EXOC4: variants seen among roughly 807,000 people sequenced by gnomAD.
EXOC4 encodes SEC8-like 1.
EXOC4 carries 71 observed loss-of-function variants against 107.2 expected under a neutral mutation model. The observed-to-expected ratio is 0.66, with a 90% CI of 0.55 to 0.81. The LOEUF (loss-of-function observed/expected upper bound fraction) is 0.81, where lower values mean the gene tolerates loss of function less well. Ranked by LOEUF, EXOC4 falls within the 30% of genes least tolerant of loss-of-function variation. The pLI, the probability that EXOC4 is intolerant of heterozygous loss-of-function variation, is 0.00. For synonymous variants in EXOC4, 456 were observed against 441.2 expected (o/e 1.03, Z -0.42); for missense variants, 1,108 against 1,189.6 (o/e 0.93, Z 1.01).
intron 7 of EXOC4, among the ~76,000 whole-genome samples, chr7:133,393,828 G>A (rs1251554139): frequency 6.6e-6 from 1 of 152,192 alleles, no homozygotes; most frequent in East Asian, 1.9e-4. Context: ...GCATTTTGTT[G>A]TAGTGGTTTG....
chr7:133,458,761 T>A (rs1332123536), intron 7 of EXOC4, among the ~76,000 whole-genome samples: 1 of 152,244 alleles, frequency 6.6e-6, no homozygotes, highest in African/African-American at 2.4e-5. Context: ...CATGATTAAC[T>A]TTGACATTTG....
At chr7:133,978,503 C>T (rs1444647534) in intron 14 of EXOC4, among the ~76,000 whole-genome samples, 1 of 152,176 alleles carries the variant, frequency 6.6e-6, no homozygotes, top group Non-Finnish European at 1.5e-5. Flanking sequence ...AGGTTACATT[C>T]ATTCATCAAG....
intron 11 of EXOC4, among the ~76,000 whole-genome samples, chr7:133,834,458 A>G (rs761279277): frequency 6.6e-5 from 10 of 152,236 alleles, no homozygotes; most frequent in Non-Finnish European, 1.5e-4. Context: ...GGTATGGGGC[A>G]GGACTTGCAT....
At chr7:134,052,411 G>A (rs569545248) in intron 17 of EXOC4, among the ~76,000 whole-genome samples, 2 of 151,436 alleles carry the variant, frequency 1.3e-5, no homozygotes, top group African/African-American at 4.8e-5. Flanking sequence ...AAAGGCATAG[G>A]GTTAATCTTA....
chr7:133,302,366 TGG>T, intron 3 of EXOC4, among the ~76,000 whole-genome samples: 1 of 152,316 alleles, frequency 6.6e-6, no homozygotes, highest in Non-Finnish European at 1.5e-5. Flanking sequence ...TTCTGTTAGA[TGG>T]TAATAGGTGT....
chr7:133,758,973 T>C (rs1008548470), intron 10 of EXOC4, among the ~76,000 whole-genome samples: 6 of 152,132 alleles, frequency 3.9e-5, no homozygotes, highest in Admixed American at 3.9e-4. Flanking sequence ...GAGGTGTCTC[T>C]AGAGGGTAAA....
At chr7:133,354,029 C>G (rs1795969402) in intron 5 of EXOC4, among the ~76,000 whole-genome samples, 1 of 151,678 alleles carries the variant, frequency 6.6e-6, no homozygotes, top group African/African-American at 2.4e-5. Flanking sequence ...ATTTTCTTGA[C>G]TTTCTCTTTA....
chr7:133,906,674 C>T (rs1031360461), intron 12 of EXOC4, among the ~76,000 whole-genome samples: 2 of 152,210 alleles, frequency 1.3e-5, no homozygotes, highest in Non-Finnish European at 2.9e-5. Flanking sequence ...TCGAGCTGAG[C>T]TTTCGCTCGC....
At chr7:133,911,239 G>T (rs1050942287) in intron 12 of EXOC4, among the ~76,000 whole-genome samples, 1 of 152,124 alleles carries the variant, frequency 6.6e-6, no homozygotes, top group Non-Finnish European at 1.5e-5. Context: ...ATAATTTTTG[G>T]ACATGTAGCT....
intron 14 of EXOC4, among the ~76,000 whole-genome samples, chr7:133,974,997 A>G (rs1055906643): frequency 6.7e-6 from 1 of 149,160 alleles, no homozygotes; most frequent in Non-Finnish European, 1.5e-5. Context: ...CAACTAAGTA[A>G]ATTCAAGCGC....
downstream of EXOC4, among the ~76,000 whole-genome samples, chr7:134,069,120 T>C (rs922639970): frequency 6.6e-6 from 1 of 152,192 alleles, no homozygotes; most frequent in Non-Finnish European, 1.5e-5. Context: ...CACTCTCTTC[T>C]GAGCTTTGCT....
At chr7:133,463,566 A>C (rs893676003) in intron 7 of EXOC4, among the ~76,000 whole-genome samples, 1 of 152,180 alleles carries the variant, frequency 6.6e-6, no homozygotes, top group Non-Finnish European at 1.5e-5. Flanking sequence ...AAGGGTTAGG[A>C]TATTTTACTT....
At chr7:133,389,611 G>A (rs1254472447) in intron 7 of EXOC4, among the ~76,000 whole-genome samples, 1 of 147,698 alleles carries the variant, frequency 6.8e-6, no homozygotes, top group Non-Finnish European at 1.5e-5. Context: ...TCTTAAGTCA[G>A]GTTGAAGTTG....
chr7:133,843,498 G>A (rs1472744963), intron 11 of EXOC4, among the ~76,000 whole-genome samples: 1 of 152,114 alleles, frequency 6.6e-6, no homozygotes, highest in East Asian at 1.9e-4. Flanking sequence ...GAATACTACT[G>A]ATTTTTGTAC....
At chr7:133,559,282 T>C (rs1800763180) in intron 9 of EXOC4, among the ~76,000 whole-genome samples, 1 of 152,152 alleles carries the variant, frequency 6.6e-6, no homozygotes, top group Non-Finnish European at 1.5e-5. Context: ...CGTGAATTCT[T>C]TTTTCTTTAT....
chr7:134,009,994 C>G (rs959830803), intron 17 of EXOC4: 2 of 152,062 alleles, frequency 1.3e-5, no homozygotes, highest in Non-Finnish European at 2.9e-5. Context: ...AATTGTGTCC[C>G]AGGAAGTAGG....
At chr7:133,869,635 T>A (rs1798710773) in intron 11 of EXOC4, among the ~76,000 whole-genome samples, 1 of 152,208 alleles carries the variant, frequency 6.6e-6, no homozygotes, top group Non-Finnish European at 1.5e-5. Flanking sequence ...TTAGACTTAC[T>A]CTATTTGTAT....
chr7:133,324,103 T>A (rs1243621062), intron 5 of EXOC4, among the ~76,000 whole-genome samples: 1 of 152,192 alleles, frequency 6.6e-6, no homozygotes, highest in African/African-American at 2.4e-5. Context: ...CTTCTCTCTT[T>A]TTTTCTTTAT....
chr7:133,650,143 C>T lies in EXOC4; in HGVS notation c.1514+20002C>T, dbSNP rs141810457. Among the ~76,000 whole-genome samples, 383 of 152,144 alleles carry T rather than the reference C, an allele frequency of 2.5e-3. 5 individuals are homozygous for T. Among genetic ancestry groups the T allele is most frequent in the African/African-American group, 8.3e-3 (343 of 41,492 alleles). On this transcript the variant is annotated intron_variant, in intron 10 of 17. Transcript: ENST00000253861. Reference sequence around the variant, plus strand: ...TTTTCAGTTTGGTAATTTAATTTTACGGTCATATGTATGTACCCTGGTCTG... The same window carrying T: ...TTTTCAGTTTGGTAATTTAATTTTATGGTCATATGTATGTACCCTGGTCTG...
Sources: gnomAD v4.1 joint callset for allele counts (sites outside exome capture counted in the v4.1 genomes callset) on GRCh38, gnomAD v4.1.1 for gene constraint, MANE v1.5 for transcripts, NCBI Gene and HGNC (gene_info 2026-07-23, HGNC 2026-07-21) for gene names.